Variants in PCDH15 observed in about 807,000 individuals in gnomAD.
PCDH15 encodes protocadherin related 15, also known as protocadherin-15.
A neutral mutation model predicts 178.5 loss-of-function variants in PCDH15; 129 were observed. The ratio of observed to expected loss-of-function variants is 0.72; its 90% CI spans 0.63 to 0.84. The LOEUF is 0.84. Among genes scored for constraint, PCDH15 ranks in the 40% least tolerant of loss-of-function variants. PCDH15 has a pLI of 0.00. For missense variants in PCDH15, 2,230 were observed against 2,099.9 expected, an observed-to-expected ratio of 1.06 and a Z score of -1.21; for synonymous variants, 800 against 732.0, an observed-to-expected ratio of 1.09 and a Z score of -1.50.
intron 25 of PCDH15, among the ~76,000 whole-genome samples, chr10:53,927,188 C>T (rs2084639335): frequency 6.6e-6 from 1 of 151,332 alleles, no homozygotes; most frequent in African/African-American, 2.4e-5. Context: ...TAACATTAGT[C>T]AAAGAGTAAG....
At chr10:53,916,313 C>T (rs977253864) in intron 25 of PCDH15, among the ~76,000 whole-genome samples, 1 of 152,136 alleles carries the variant, frequency 6.6e-6, no homozygotes, top group Non-Finnish European at 1.5e-5. Flanking sequence ...CTAAGTATTA[C>T]TTAAATTTTG....
At chr10:55,557,737 C>T (rs181220988) in intron 2 of PCDH15, among the ~76,000 whole-genome samples, 28 of 152,076 alleles carry the variant, frequency 1.8e-4, no homozygotes, top group African/African-American at 6.0e-4. Context: ...ATAGTGATCC[C>T]GAAGGACAGA....
chr10:54,379,279 T>C (rs1948878373), intron 3 of PCDH15, among the ~76,000 whole-genome samples: 1 of 152,114 alleles, frequency 6.6e-6, no homozygotes, highest in Non-Finnish European at 1.5e-5. Context: ...CAAAAGGAAA[T>C]GCCTGTAATA....
At chr10:54,380,344 C>A (rs891637259) in intron 3 of PCDH15, among the ~76,000 whole-genome samples, 9 of 151,520 alleles carry the variant, frequency 5.9e-5, no homozygotes, top group African/African-American at 2.2e-4. Context: ...AACCTACATA[C>A]AATACACTCC....
chr10:54,535,332 T>G (rs2084361166), intron 2 of PCDH15, among the ~76,000 whole-genome samples: 1 of 152,172 alleles, frequency 6.6e-6, no homozygotes, highest in South Asian at 2.1e-4. Flanking sequence ...TTCTTATTAT[T>G]TTATTTTATT....
intron 13 of PCDH15, among the ~76,000 whole-genome samples, chr10:54,181,162 C>A (rs768055314): frequency 1.3e-5 from 2 of 151,982 alleles, no homozygotes; most frequent in African/African-American, 2.4e-5. Context: ...AATTGTCATT[C>A]ATTTATTTAT....
intron 1 of PCDH15, among the ~76,000 whole-genome samples, chr10:55,274,624 T>C (rs1273538443): frequency 3.9e-5 from 6 of 152,088 alleles, no homozygotes; most frequent in Non-Finnish European, 8.8e-5. Context: ...TACCACTTTT[T>C]TCCAAACCTG....
At chr10:54,532,821 C>G (rs1326045709) in intron 2 of PCDH15, among the ~76,000 whole-genome samples, 2 of 151,602 alleles carry the variant, frequency 1.3e-5, no homozygotes, top group Admixed American at 6.6e-5. Context: ...TTTGCAAGTT[C>G]TCCCCAAATC....
intron 2 of PCDH15, among the ~76,000 whole-genome samples, chr10:55,426,511 C>T (rs539162064): frequency 2.6e-5 from 4 of 152,170 alleles, no homozygotes; most frequent in South Asian, 2.1e-4. Flanking sequence ...TGGGGGTGCC[C>T]GCAAACCCGG....
intron 1 of PCDH15, among the ~76,000 whole-genome samples, chr10:55,181,547 T>C (rs1839647489): frequency 1.3e-5 from 2 of 151,996 alleles, no homozygotes; most frequent in Admixed American, 1.3e-4. Context: ...CTCATCTGTT[T>C]CATTGTTAGT....
chr10:53,988,446 G>T (rs4935480), intron 21 of PCDH15, among the ~76,000 whole-genome samples: 1 of 151,920 alleles, frequency 6.6e-6, no homozygotes, highest in South Asian at 2.1e-4. Flanking sequence ...TGTCCTAAAA[G>T]TGACCTCAGG....
intron 1 of PCDH15, among the ~76,000 whole-genome samples, chr10:54,752,439 T>C (rs944467672): frequency 2.1e-5 from 3 of 142,056 alleles, no homozygotes; most frequent in African/African-American, 8.0e-5. Flanking sequence ...ATCACGCCAC[T>C]GCACTCCAGC....
intron 2 of PCDH15, among the ~76,000 whole-genome samples, chr10:55,129,451 A>G (rs1358138076): frequency 6.6e-6 from 1 of 152,114 alleles, no homozygotes; most frequent in Non-Finnish European, 1.5e-5. Flanking sequence ...ACTCTTGTGT[A>G]TGACTTTAAA....
chr10:54,706,550 C>A (rs571474451), intron 1 of PCDH15, among the ~76,000 whole-genome samples: 4 of 152,232 alleles, frequency 2.6e-5, no homozygotes, highest in Non-Finnish European at 4.4e-5. Flanking sequence ...AAGTTTTACA[C>A]CTACCATACC....
intron 18 of PCDH15, among the ~76,000 whole-genome samples, chr10:54,033,796 T>C (rs1169766631): frequency 2.0e-5 from 3 of 151,994 alleles, no homozygotes; most frequent in Non-Finnish European, 4.4e-5. Context: ...TCTATGCTTA[T>C]TGAATATGTG....
At chr10:55,094,508 T>C (rs1183789298) in intron 2 of PCDH15, among the ~76,000 whole-genome samples, 1 of 151,908 alleles carries the variant, frequency 6.6e-6, no homozygotes, top group Non-Finnish European at 1.5e-5. Context: ...AACCTGCATG[T>C]TATGCACATG....
At chr10:54,711,301 A>G (rs999516889) in intron 1 of PCDH15, among the ~76,000 whole-genome samples, 1 of 152,034 alleles carries the variant, frequency 6.6e-6, no homozygotes, top group Non-Finnish European at 1.5e-5. Context: ...AAACAGCATT[A>G]AGGAAGTGTT....
chr10:55,277,807 A>G (rs538844627), intron 1 of PCDH15, among the ~76,000 whole-genome samples: 60 of 152,116 alleles, frequency 3.9e-4, no homozygotes, highest in African/African-American at 6.0e-4. Context: ...CTCAAACTCT[A>G]TAAGTGTTTG....
At chr10:55,358,981 C>T (rs1275850269) in intron 2 of PCDH15, among the ~76,000 whole-genome samples, 1 of 151,996 alleles carries the variant, frequency 6.6e-6, no homozygotes, top group Non-Finnish European at 1.5e-5. Context: ...CTTTCGAGGC[C>T]AGGACTTCAA....
Sources: gnomAD v4.1 joint callset for allele counts (sites outside exome capture counted in the v4.1 genomes callset) on GRCh38, gnomAD v4.1.1 for gene constraint, MANE v1.5 for transcripts, NCBI Gene and HGNC (gene_info 2026-07-23, HGNC 2026-07-21) for gene names.